Variants in FAM167A observed in about 807,000 individuals in gnomAD.
FAM167A encodes protein FAM167A.
In FAM167A, 23 loss-of-function variants were observed where a neutral mutation model predicts 14.9. The ratio of observed to expected loss-of-function variants is 1.55; its 90% CI spans 1.11 to 2.19. The LOEUF is 2.19. Among genes scored for constraint, FAM167A ranks in the 30% most tolerant of loss-of-function variants. FAM167A has a pLI of 0.00. For synonymous variants in FAM167A, 174 were observed against 117.7 expected, an observed-to-expected ratio of 1.48 and a Z score of -3.10; for missense variants, 401 against 281.5, an observed-to-expected ratio of 1.42 and a Z score of -3.04.
intron 1 of FAM167A, among the ~76,000 whole-genome samples, chr8:11,463,723 C>T (rs759920517): frequency 3.3e-4 from 50 of 152,220 alleles, no homozygotes; most frequent in African/African-American, 7.7e-4. Context: ...AGGGAACTTC[C>T]GGCCACACTG....
chr8:11,448,407 T>C (rs1371859267), intron 1 of FAM167A, among the ~76,000 whole-genome samples: 1 of 152,218 alleles, frequency 6.6e-6, no homozygotes, highest in Non-Finnish European at 1.5e-5. Context: ...GACATAGTCA[T>C]GTAGCCTTAG....
At chr8:11,471,373 G>A (rs1001769854), upstream of FAM167A, among the ~76,000 whole-genome samples, 1 of 152,182 alleles carries the variant, frequency 6.6e-6, no homozygotes. Context: ...AGAAGAGCTG[G>A]GCAGGTGAGG....
At chr8:11,464,167 C>CG (rs1245208182) in intron 1 of FAM167A, among the ~76,000 whole-genome samples, 1 of 152,114 alleles carries the variant, frequency 6.6e-6, no homozygotes, top group Non-Finnish European at 1.5e-5. Context: ...GAGCAGCCCC[C>CG]CTTGAACTGC....
At chr8:11,426,790 G>C (rs1805199151) in intron 2 of FAM167A, among the ~76,000 whole-genome samples, 3 of 152,134 alleles carry the variant, frequency 2.0e-5, no homozygotes, top group Admixed American at 6.5e-5. Context: ...TTACATGTTT[G>C]TTTAGGGTAG....
intron 1 of FAM167A, among the ~76,000 whole-genome samples, chr8:11,460,152 A>C (rs1469042641): frequency 1.3e-5 from 2 of 152,256 alleles, no homozygotes; most frequent in African/African-American, 4.8e-5. Flanking sequence ...GAAACCCACT[A>C]CAGGGCTCTG....
At chr8:11,437,670 A>C (rs1468509309) in intron 2 of FAM167A, among the ~76,000 whole-genome samples, 2 of 147,714 alleles carry the variant, frequency 1.4e-5, no homozygotes, top group African/African-American at 2.7e-5. Context: ...ATTTCCATGG[A>C]GGGCTGGGAG....
chr8:11,425,215 C>G (rs929015842), intron 2 of FAM167A, among the ~76,000 whole-genome samples: 1 of 152,208 alleles, frequency 6.6e-6, no homozygotes, highest in African/African-American at 2.4e-5. Flanking sequence ...TGAAACAGTT[C>G]TAAGGCCTTT....
upstream of FAM167A, among the ~76,000 whole-genome samples, chr8:11,469,308 C>T (rs564989388): frequency 6.6e-5 from 10 of 152,288 alleles, no homozygotes; most frequent in Admixed American, 2.6e-4. Context: ...TACAATGAAT[C>T]GTTTTGTAAT....
rs1189262840 is a variant in FAM167A at position 11,425,980 on chromosome 8, TGA to T, written c.382-1346_382-1345del. 7.9e-5 allele frequency among the ~76,000 whole-genome samples: 12 copies of T among 152,288 alleles called. No homozygotes were observed. In the East Asian group the frequency reaches 1.9e-3, roughly 24 times the overall value. ...TTTCCAAGATCTAGGAGAGATTAAA[TGA>T]GAGTCTGGCAAATTTAAGGTCTGAA... On this transcript the variant is annotated intron_variant, in intron 2 of 2. Coordinates refer to ENST00000284486, the MANE Select transcript of FAM167A (RefSeq NM_053279.3).
chr8:11,429,910 A>G (rs1189995483), intron 2 of FAM167A, among the ~76,000 whole-genome samples: 1 of 152,260 alleles, frequency 6.6e-6, no homozygotes, highest in Non-Finnish European at 1.5e-5. Flanking sequence ...AACAAATAGC[A>G]TGGCAGAAAA....
intron 2 of FAM167A, among the ~76,000 whole-genome samples, chr8:11,437,426 G>T (rs528632364): frequency 8.5e-5 from 13 of 152,284 alleles, no homozygotes; most frequent in African/African-American, 3.1e-4. Flanking sequence ...TGCTCAACGC[G>T]CTGCCAAGTA....
chr8:11,441,423 A>T (rs1806429499), intron 2 of FAM167A, among the ~76,000 whole-genome samples: 1 of 152,258 alleles, frequency 6.6e-6, no homozygotes, highest in South Asian at 2.1e-4. Context: ...CAAAGGGACC[A>T]GAATCTTCAT....
intron 1 of FAM167A, among the ~76,000 whole-genome samples, chr8:11,445,723 C>A (rs967303247): frequency 5.3e-5 from 8 of 152,050 alleles, no homozygotes; most frequent in Non-Finnish European, 1.0e-4. Context: ...ACTCTGTGGT[C>A]CGAGGTCCAT....
At chr8:11,469,514 A>G (rs897310711), upstream of FAM167A, among the ~76,000 whole-genome samples, 4 of 152,180 alleles carry the variant, frequency 2.6e-5, no homozygotes, top group Admixed American at 2.0e-4. Flanking sequence ...CCGTTGGTGC[A>G]TGATGCATGA....
intron 1 of FAM167A, among the ~76,000 whole-genome samples, chr8:11,459,108 G>A (rs4584117): frequency 2.0e-3 from 310 of 152,252 alleles, no homozygotes; most frequent in Non-Finnish European, 3.6e-3. Context: ...CATTTATACA[G>A]AAATAAATGA....
chr8:11,473,593 C>T (rs1475692685), intron 1 of FAM167A, among the ~76,000 whole-genome samples: 2 of 152,186 alleles, frequency 1.3e-5, no homozygotes, highest in African/African-American at 4.8e-5. Flanking sequence ...CCTTCTTTCC[C>T]ATCCCCATCC....
At chr8:11,471,708 T>C (rs1379085452), upstream of FAM167A, among the ~76,000 whole-genome samples, 1 of 152,206 alleles carries the variant, frequency 6.6e-6, no homozygotes, top group African/African-American at 2.4e-5. Context: ...CTGCGCTTTC[T>C]CCAGGCAAGA....
intron 1 of FAM167A, among the ~76,000 whole-genome samples, chr8:11,450,228 G>C (rs573882867): frequency 6.6e-6 from 1 of 152,314 alleles, no homozygotes; most frequent in Admixed American, 6.5e-5. Context: ...GGGAAGTTTT[G>C]CTTGATTTGC....
chr8:11,424,670 AGAGTGGCTC>A lies in FAM167A; in HGVS notation c.382-43_382-35del, dbSNP rs754766828. The A allele has an allele frequency of 3.1e-5, 50 of 1,607,916 alleles. No homozygotes were observed. The Middle Eastern group carries it at 1.1e-3, about 36-fold the overall frequency. On this transcript the variant is annotated intron_variant, in intron 2 of 2. Transcript: ENST00000284486. ...GAGGGGGAGCAGGCAGGGTCAGCAGAGAGTGGCTCGAGTCCCTGACAGGCACAGACTGGT... is the reference window on the plus strand; with the variant it reads ...GAGGGGGAGCAGGCAGGGTCAGCAGAGAGTCCCTGACAGGCACAGACTGGT...
Sources: gnomAD v4.1 joint callset for allele counts (sites outside exome capture counted in the v4.1 genomes callset) on GRCh38, gnomAD v4.1.1 for gene constraint, MANE v1.5 for transcripts, NCBI Gene and HGNC (gene_info 2026-07-23, HGNC 2026-07-21) for gene names.